MGAT4C: variants seen among roughly 807,000 people sequenced by gnomAD.
MGAT4C encodes alpha-1,3-mannosyl-glycoprotein 4-beta-N-acetylglucosaminyltransferase C.
MGAT4C carries 19 observed loss-of-function variants against 40.1 expected under a neutral mutation model. The ratio of observed to expected loss-of-function variants is 0.47; its 90% CI spans 0.33 to 0.70. The LOEUF (loss-of-function observed/expected upper bound fraction) is 0.70. Ranked by LOEUF, MGAT4C falls within the 30% of genes least tolerant of loss-of-function variation. The pLI, the probability that MGAT4C is intolerant of heterozygous loss-of-function variation, is 0.02. For synonymous variants in MGAT4C, 181 were observed against 187.1 expected (o/e 0.97, Z 0.27); for missense variants, 491 against 563.2 (o/e 0.87, Z 1.30).
At chr12:86,832,098 C>T (rs1011244000) in intron 1 of MGAT4C, among the ~76,000 whole-genome samples, 6 of 151,636 alleles carry the variant, frequency 4.0e-5, no homozygotes, top group Non-Finnish European at 8.8e-5. Context: ...ATACTGTAGG[C>T]ACATCAGATG....
At chr12:86,107,856 A>T (rs1792453301) in intron 1 of MGAT4C, among the ~76,000 whole-genome samples, 1 of 152,104 alleles carries the variant, frequency 6.6e-6, no homozygotes, top group African/African-American at 2.4e-5. Context: ...TATTTTTAAA[A>T]TGTCTTAAGT....
chr12:86,834,050 C>G (rs1221125557), intron 1 of MGAT4C, among the ~76,000 whole-genome samples: 1 of 151,542 alleles, frequency 6.6e-6, no homozygotes, highest in Non-Finnish European at 1.5e-5. Flanking sequence ...TGTATATATA[C>G]CAGATTTTCT....
intron 3 of MGAT4C, among the ~76,000 whole-genome samples, chr12:86,430,874 A>G (rs1232410824): frequency 6.6e-6 from 1 of 152,154 alleles, no homozygotes; most frequent in Non-Finnish European, 1.5e-5. Flanking sequence ...TGAAGATACT[A>G]CTTGATTTTC....
intron 2 of MGAT4C, among the ~76,000 whole-genome samples, chr12:86,718,001 C>T (rs1018407876): frequency 1.3e-5 from 2 of 152,038 alleles, no homozygotes; most frequent in Admixed American, 6.6e-5. Context: ...AATTTCATCC[C>T]CAGAAGACAT....
intron 1 of MGAT4C, among the ~76,000 whole-genome samples, chr12:86,748,754 AT>A (rs1039506639): frequency 4.6e-5 from 7 of 151,616 alleles, no homozygotes; most frequent in Admixed American, 1.3e-4. Context: ...CTAGAGTTGG[AT>A]TTTTTTTAAA....
intron 2 of MGAT4C, among the ~76,000 whole-genome samples, chr12:86,706,066 T>C (rs368133858): frequency 1.3e-5 from 2 of 152,234 alleles, no homozygotes; most frequent in South Asian, 2.1e-4. Flanking sequence ...TTACTTTCCA[T>C]TGATACACAA....
chr12:86,708,108 C>T (rs2136626753), intron 2 of MGAT4C, among the ~76,000 whole-genome samples: 1 of 152,254 alleles, frequency 6.6e-6, no homozygotes, highest in South Asian at 2.1e-4. Flanking sequence ...CATCACAGGC[C>T]CAGAGGCCTA....
At chr12:86,018,753 A>G (rs1402097112) in intron 2 of MGAT4C, among the ~76,000 whole-genome samples, 1 of 152,100 alleles carries the variant, frequency 6.6e-6, no homozygotes, top group African/African-American at 2.4e-5. Flanking sequence ...AATATATTAC[A>G]TATATAAGGA....
intron 2 of MGAT4C, among the ~76,000 whole-genome samples, chr12:86,605,741 A>G (rs1962019789): frequency 6.6e-6 from 1 of 152,126 alleles, no homozygotes; most frequent in Admixed American, 6.6e-5. Flanking sequence ...CATTCCCAGC[A>G]AGCACTGGTA....
rs559390048 is a variant in MGAT4C, at chr12:86,473,889, A to T, written c.-228-38624T>A. 3.3e-3 allele frequency among the ~76,000 whole-genome samples: 500 copies of T among 152,236 alleles called. 2 individuals carry two copies. The highest frequency in any genetic ancestry group is 0.012 in the African/African-American group (483 of 41,544). Reference sequence around the variant, plus strand: ...GAGGGTTCACAAAATCTGACTATGGAGAATTTGCATGATAGGGTTCACTGT... The same window carrying T: ...GAGGGTTCACAAAATCTGACTATGGTGAATTTGCATGATAGGGTTCACTGT... On this transcript the variant is annotated intron_variant, in intron 2 of 7. Transcript: ENST00000548651.
rs551672856 is a variant in MGAT4C, at chr12:86,107,356, ATG to A, written c.-56-57635_-56-57634del. 5.1e-3 allele frequency among the ~76,000 whole-genome samples: 769 copies of A among 151,448 alleles called. 4 individuals are homozygous for A. The highest frequency in any genetic ancestry group is 0.01 in the Middle Eastern group (3 of 294). On this transcript the variant is annotated intron_variant, in intron 1 of 4. Transcript: ENST00000611864. The stretch of plus-strand genomic sequence containing the variant: ...GAAGTAGAATCCTGAAAATCATTGT[ATG>A]TGTGTGTGTGTGTGTTTAATTTTTA...
chr12:86,414,075 T>A (rs1956657602), intron 3 of MGAT4C, among the ~76,000 whole-genome samples: 1 of 152,116 alleles, frequency 6.6e-6, no homozygotes, highest in Non-Finnish European at 1.5e-5. Flanking sequence ...CAAGTTTTTT[T>A]TTTCTGCAAG....
At chr12:86,825,170 A>G in intron 1 of MGAT4C, among the ~76,000 whole-genome samples, 1 of 151,380 alleles carries the variant, frequency 6.6e-6, no homozygotes, top group Non-Finnish European at 1.5e-5. Context: ...AAATGATATA[A>G]ACACCAAGGT....
At chr12:86,499,520 T>C (rs1018887156) in intron 2 of MGAT4C, among the ~76,000 whole-genome samples, 6 of 151,698 alleles carry the variant, frequency 4.0e-5, no homozygotes, top group South Asian at 2.1e-4. Flanking sequence ...GCAAAAACAA[T>C]TGGAATCACT....
At chr12:86,436,461 T>C (rs1415705479) in intron 2 of MGAT4C, among the ~76,000 whole-genome samples, 1 of 151,770 alleles carries the variant, frequency 6.6e-6, no homozygotes, top group Non-Finnish European at 1.5e-5. Flanking sequence ...GTTTTTTTAA[T>C]AGTTTGTATC....
chr12:86,478,336 A>T (rs1957877344), intron 2 of MGAT4C, among the ~76,000 whole-genome samples: 1 of 152,182 alleles, frequency 6.6e-6, no homozygotes. Flanking sequence ...AGTTAGACAC[A>T]ATAGTATGTA....
intron 1 of MGAT4C, among the ~76,000 whole-genome samples, chr12:86,187,768 A>AT (rs1888934778): frequency 2.7e-5 from 4 of 150,828 alleles, no homozygotes; most frequent in African/African-American, 9.7e-5. Context: ...AAAAAATGTC[A>AT]TTTTTCAGGG....
chr12:86,282,542 T>A (rs961559744), intron 4 of MGAT4C, among the ~76,000 whole-genome samples: 3 of 152,072 alleles, frequency 2.0e-5, no homozygotes, highest in African/African-American at 7.2e-5. Flanking sequence ...AAACAGCTAA[T>A]CCTGGTATAC....
At chr12:86,042,942 A>G (rs1892019580) in intron 2 of MGAT4C, among the ~76,000 whole-genome samples, 1 of 151,952 alleles carries the variant, frequency 6.6e-6, no homozygotes, top group African/African-American at 2.4e-5. Flanking sequence ...TTCTGTCAAA[A>G]AGTCTGCTGG....
Sources: allele counts gnomAD v4.1 joint callset (sites outside exome capture counted in the v4.1 genomes callset), GRCh38; gene constraint gnomAD v4.1.1; transcripts MANE v1.5; gene names NCBI Gene and HGNC (gene_info 2026-07-23, HGNC 2026-07-21).